The following MPPED1 variants were observed in gnomAD, a reference collection of about 807,000 sequenced individuals.
MPPED1 encodes metallophosphoesterase domain-containing protein 1.
A neutral mutation model predicts 36.2 loss-of-function variants in MPPED1; 16 were observed. That is an observed-to-expected ratio of 0.44 (90% CI 0.30 to 0.67). The LOEUF is 0.67. Ranked by LOEUF, MPPED1 falls within the 30% of genes least tolerant of loss-of-function variation. MPPED1 has a pLI of 0.10. For missense variants in MPPED1, 307 were observed against 453.4 expected, an observed-to-expected ratio of 0.68 and a Z score of 2.93; for synonymous variants, 199 against 191.3, an observed-to-expected ratio of 1.04 and a Z score of -0.33.
At chr22:43,500,232 G>A (rs1932654061) in intron 5 of MPPED1, among the ~76,000 whole-genome samples, 1 of 136,164 alleles carries the variant, frequency 7.3e-6, no homozygotes. Context: ...GGTGGAGGTG[G>A]TGATGGAGGT....
At chr22:43,466,778 A>G (rs1931187615) in intron 3 of MPPED1, among the ~76,000 whole-genome samples, 1 of 152,074 alleles carries the variant, frequency 6.6e-6, no homozygotes, top group African/African-American at 2.4e-5. Context: ...TTCGAACTAG[A>G]CAGTCCTAAG....
chr22:43,479,172 G>T (rs1412449206), intron 4 of MPPED1, among the ~76,000 whole-genome samples: 1 of 152,200 alleles, frequency 6.6e-6, no homozygotes, highest in Non-Finnish European at 1.5e-5. Context: ...CATTCGGGGG[G>T]TGCAGGTGAT....
rs1409597430 is a variant in MPPED1 at position 43,495,191 on chromosome 22, ATGATGGAAGTGG to A, written c.633-3031_633-3020del. Among the ~76,000 whole-genome samples the A allele has an allele frequency of 4.0e-5, 5 of 123,514 alleles. No homozygotes were observed. The South Asian group carries it at 8.9e-4, about 22-fold the overall frequency. 81.0% of individuals were successfully genotyped at this position (123,514 alleles called of 152,430 possible). On this transcript the variant is annotated intron_variant, in intron 4 of 6. Coordinates refer to ENST00000443721, the MANE Select transcript of MPPED1 (RefSeq NM_001044370.2). ...TGACAGAGGTGTGATGGAGGTGGTGATGATGGAAGTGGTGATGGAAGTGGAGGTGGTGGTGGT... is the reference window on the plus strand; with the variant it reads ...TGACAGAGGTGTGATGGAGGTGGTGATGATGGAAGTGGAGGTGGTGGTGGT...
intron 5 of MPPED1, among the ~76,000 whole-genome samples, chr22:43,499,484 A>G (rs1452474205): frequency 2.5e-5 from 2 of 79,158 alleles, no homozygotes; most frequent in African/African-American, 1.0e-4. Flanking sequence ...GGTGGTGGTT[A>G]TGGGGGTGGT....
chr22:43,482,893 C>G (rs1231956278), intron 4 of MPPED1, among the ~76,000 whole-genome samples: 1 of 152,218 alleles, frequency 6.6e-6, no homozygotes, highest in East Asian at 1.9e-4. Flanking sequence ...CAGAACGGAG[C>G]AGCCTGGAAC....
chr22:43,412,191 G>A, intron 1 of MPPED1, 33 bp downstream of exon 1: 1 of 972,070 alleles, frequency 1.0e-6, no homozygotes, highest in Non-Finnish European at 1.2e-6. Context: ...CGCGGCGGGC[G>A]CGGGCGGGAG....
chr22:43,430,770 T>C (rs901540069), intron 2 of MPPED1, among the ~76,000 whole-genome samples: 1 of 152,246 alleles, frequency 6.6e-6, no homozygotes, highest in Admixed American at 6.5e-5. Context: ...GTGTTGAGAT[T>C]AGACGCCCAG....
chr22:43,458,751 T>G (rs1385751353), intron 3 of MPPED1, among the ~76,000 whole-genome samples: 1 of 152,232 alleles, frequency 6.6e-6, no homozygotes, highest in Non-Finnish European at 1.5e-5. Context: ...TGTTTCTGTT[T>G]ATCTGGGAAT....
chr22:43,488,190 GCCGCCC>G, intron 4 of MPPED1, among the ~76,000 whole-genome samples: 1 of 152,112 alleles, frequency 6.6e-6, no homozygotes, highest in South Asian at 2.1e-4. Context: ...CGGCCCCTAC[GCCGCCC>G]TCAGCCTCAT....
At position 43,436,059 on chromosome 22, in the gene MPPED1, C is replaced by T. The variant is rs548141666; in HGVS notation, c.406+844C>T. On this transcript the variant is annotated intron_variant, in intron 3 of 6. Coordinates refer to ENST00000443721, the MANE Select transcript of MPPED1 (RefSeq NM_001044370.2). ...CAGAGCCCTTTCCCATGCACTGCGCCATGGTGGGTGATGACTTATAAGCAC... is the reference window on the plus strand; with the variant it reads ...CAGAGCCCTTTCCCATGCACTGCGCTATGGTGGGTGATGACTTATAAGCAC... 1.4e-3 allele frequency among the ~76,000 whole-genome samples: 214 copies of T among 152,328 alleles called. 1 individual carries two copies. The highest frequency in any genetic ancestry group is 5.0e-3 in the African/African-American group (207 of 41,568).
intron 4 of MPPED1, among the ~76,000 whole-genome samples, chr22:43,485,540 C>T (rs1472737046): frequency 4.9e-5 from 7 of 143,786 alleles, no homozygotes; most frequent in Non-Finnish European, 8.8e-5. Context: ...TTCACACTCA[C>T]ACACAGAGTC....
intron 3 of MPPED1, among the ~76,000 whole-genome samples, chr22:43,458,538 A>G (rs1434531553): frequency 2.0e-5 from 3 of 151,568 alleles, no homozygotes; most frequent in Non-Finnish European, 4.4e-5. Flanking sequence ...CCCGCCTCAG[A>G]CTCCCAAAGT....
chr22:43,425,078 C>A lies in MPPED1; in HGVS notation c.93C>A (p.His31Gln), dbSNP rs377598999. The A allele has an allele frequency of 1.9e-6, 3 of 1,613,568 alleles. No homozygotes were observed. The highest frequency in any genetic ancestry group is 3.3e-5 in the Admixed American group (2 of 60,002). The change falls in exon 2 of 7, where the codon CAC becomes CAA. Residue 31 changes from histidine to glutamine, a missense_variant. Physicochemically the swap from His to Gln is conservative, Grantham distance 24. Transcript: ENST00000443721. ...CGLGMAFSQSHVMAARRHQHS... is the reference protein window; with the variant it reads ...CGLGMAFSQSQVMAARRHQHS... The stretch of plus-strand genomic sequence containing the variant: ...TGGGCATGGCATTCTCCCAGTCCCA[C>A]GTGATGGCCGCTCGGCGGCACCAGC...
At chr22:43,439,620 T>C (rs969319651) in intron 3 of MPPED1, among the ~76,000 whole-genome samples, 2 of 152,228 alleles carry the variant, frequency 1.3e-5, no homozygotes, top group East Asian at 1.9e-4. Context: ...ATTATTTTCT[T>C]GCCCCAGGGC....
chr22:43,422,908 C>T (rs2146816826), intron 1 of MPPED1, among the ~76,000 whole-genome samples: 1 of 152,296 alleles, frequency 6.6e-6, no homozygotes, highest in East Asian at 1.9e-4. Flanking sequence ...GCTGTCTCGG[C>T]TCACTGCAAC....
At chr22:43,433,512 C>T (rs1792107799) in intron 2 of MPPED1, among the ~76,000 whole-genome samples, 1 of 151,106 alleles carries the variant, frequency 6.6e-6, no homozygotes, top group Non-Finnish European at 1.5e-5. Flanking sequence ...GGTTGGTCAT[C>T]ATCGGATTCA....
chr22:43,462,746 C>T (rs1930998091), intron 3 of MPPED1, among the ~76,000 whole-genome samples: 1 of 152,152 alleles, frequency 6.6e-6, no homozygotes, highest in African/African-American at 2.4e-5. Flanking sequence ...CTCCTGGAGC[C>T]TCCAAGGCCT....
At chr22:43,481,773 G>A (rs1931757354) in intron 4 of MPPED1, among the ~76,000 whole-genome samples, 1 of 152,130 alleles carries the variant, frequency 6.6e-6, no homozygotes, top group African/African-American at 2.4e-5. Context: ...TCACCCTCAA[G>A]CTGAAGGCCA....
intron 3 of MPPED1, among the ~76,000 whole-genome samples, chr22:43,449,437 C>G (rs5996336): frequency 8.9e-5 from 13 of 145,458 alleles, no homozygotes; most frequent in East Asian, 4.3e-4. Flanking sequence ...CCCCGCCCCC[C>G]CTCCAAGTAG....
Sources: gnomAD v4.1 joint callset for allele counts (sites outside exome capture counted in the v4.1 genomes callset) on GRCh38, gnomAD v4.1.1 for gene constraint, MANE v1.5 for transcripts, NCBI Gene and HGNC (gene_info 2026-07-23, HGNC 2026-07-21) for gene names.